Variants in SEPTIN9 observed in about 807,000 individuals in gnomAD.
The protein encoded by SEPTIN9 is septin 9.
SEPTIN9 carries 13 observed loss-of-function variants against 56.6 expected under a neutral mutation model. That is an observed-to-expected ratio of 0.23 (90% CI 0.15 to 0.37). The LOEUF (loss-of-function observed/expected upper bound fraction) is 0.37, where lower values mean the gene tolerates loss of function less well. Among genes scored for constraint, SEPTIN9 ranks in the 10% least tolerant of loss-of-function variants. The pLI, the probability that SEPTIN9 is intolerant of heterozygous loss-of-function variation, is 1.00. For synonymous variants in SEPTIN9, 332 were observed against 334.1 expected (o/e 0.99, Z 0.07); for missense variants, 650 against 823.1 (o/e 0.79, Z 2.57).
chr17:77,303,958 T>C (rs575106651), intron 1 of SEPTIN9, among the ~76,000 whole-genome samples: 130 of 152,290 alleles, frequency 8.5e-4, no homozygotes, highest in African/African-American at 3.1e-3. Context: ...AATACTTTCA[T>C]CTGGGATGAC....
chr17:77,409,194 C>T (rs2036199482), intron 3 of SEPTIN9, among the ~76,000 whole-genome samples: 1 of 152,168 alleles, frequency 6.6e-6, no homozygotes, highest in African/African-American at 2.4e-5. Flanking sequence ...TCTCTTTCCC[C>T]TTCTAAGAAC....
chr17:77,374,480 G>A (rs947850087), intron 2 of SEPTIN9: 1 of 152,294 alleles, frequency 6.6e-6, no homozygotes, highest in Non-Finnish European at 1.5e-5. Context: ...AGCGCTCTGG[G>A]GCAGGGCTTC....
chr17:77,392,205 G>T (rs546651349), intron 2 of SEPTIN9, among the ~76,000 whole-genome samples: 1 of 152,302 alleles, frequency 6.6e-6, no homozygotes, highest in South Asian at 2.1e-4. Context: ...CTTGGGTGGG[G>T]CTGTGATGAG....
chr17:77,393,999 C>G (rs943514997), intron 2 of SEPTIN9, among the ~76,000 whole-genome samples: 6 of 152,174 alleles, frequency 3.9e-5, no homozygotes, highest in Admixed American at 2.0e-4. Flanking sequence ...TGCTCTCAGC[C>G]CTGAAATAAA....
chr17:77,427,600 C>T (rs564354309), intron 3 of SEPTIN9, among the ~76,000 whole-genome samples: 7 of 152,278 alleles, frequency 4.6e-5, no homozygotes, highest in East Asian at 1.9e-4. Context: ...GATCCGAGGC[C>T]GGGAAGAACA....
rs1245040577 is a variant in SEPTIN9, at chr17:77,400,928, G to A, written c.77-1131G>A. Reference sequence around the variant, plus strand: ...CCCAGGTACCATCCCCACTGCCTCCGAGGGAGCAGACCCTGGTGGAGAGGC... The same window carrying A: ...CCCAGGTACCATCCCCACTGCCTCCAAGGGAGCAGACCCTGGTGGAGAGGC... On this transcript the variant is annotated intron_variant, in intron 2 of 11. Coordinates refer to ENST00000427177, the MANE Select transcript of SEPTIN9 (RefSeq NM_001113491.2). This position sits in a 1 kb window ranked among gnomAD's most constrained non-coding sequence, Gnocchi z 4.1. Among the ~76,000 whole-genome samples, 3 of 152,178 alleles carry A rather than the reference G, an allele frequency of 2.0e-5. No individual in the cohort carries two copies. The highest frequency in any genetic ancestry group is 2.1e-4 in the South Asian group (1 of 4,830).
chr17:77,439,503 G>A (rs1340909174), intron 3 of SEPTIN9, among the ~76,000 whole-genome samples: 1 of 152,194 alleles, frequency 6.6e-6, no homozygotes, highest in Non-Finnish European at 1.5e-5. Flanking sequence ...TAGAGAACTT[G>A]GCTGGTGGGC....
intron 2 of SEPTIN9, among the ~76,000 whole-genome samples, chr17:77,368,812 T>G (rs955087879): frequency 2.0e-5 from 3 of 152,196 alleles, no homozygotes; most frequent in African/African-American, 7.2e-5. Flanking sequence ...CCTCTTAGGT[T>G]TTTTGCAACA....
At chr17:77,432,155 C>G (rs1301230615) in intron 3 of SEPTIN9, among the ~76,000 whole-genome samples, 1 of 152,226 alleles carries the variant, frequency 6.6e-6, no homozygotes, top group African/African-American at 2.4e-5. Context: ...TACCTGGACT[C>G]TGACCTTTCC....
intron 2 of SEPTIN9, among the ~76,000 whole-genome samples, chr17:77,342,703 T>A (rs2033771315): frequency 6.6e-6 from 1 of 152,212 alleles, no homozygotes; most frequent in African/African-American, 2.4e-5. Flanking sequence ...CTCGGTGCAG[T>A]GGCTCATGTT....
intron 2 of SEPTIN9, among the ~76,000 whole-genome samples, chr17:77,360,709 C>T (rs530135711): frequency 4.9e-4 from 75 of 152,176 alleles, no homozygotes; most frequent in Middle Eastern, 3.4e-3. Flanking sequence ...GGACTACAGG[C>T]GCCCGCCACC....
chr17:77,283,846 G>A (rs1449739798), intron 1 of SEPTIN9, among the ~76,000 whole-genome samples: 1 of 152,146 alleles, frequency 6.6e-6, no homozygotes, highest in Non-Finnish European at 1.5e-5. Context: ...AGTCTGAGTG[G>A]GTACAGAAAT....
At chr17:77,443,094 G>A (rs2037610586) in intron 3 of SEPTIN9, among the ~76,000 whole-genome samples, 1 of 152,024 alleles carries the variant, frequency 6.6e-6, no homozygotes. Flanking sequence ...AAATGGAAGG[G>A]GCAAAAGCAC....
chr17:77,482,494 T>A (rs771889644), intron 4 of SEPTIN9, 159 bp downstream of exon 4: 12 of 788,876 alleles, frequency 1.5e-5, no homozygotes, highest in Non-Finnish European at 2.6e-5. Flanking sequence ...TGTGCATGCA[T>A]GCGCCTGGGA....
At chr17:77,388,882 AGGAG>A (rs1376089643) in intron 2 of SEPTIN9, among the ~76,000 whole-genome samples, 1 of 136,912 alleles carries the variant, frequency 7.3e-6, no homozygotes, top group Admixed American at 8.0e-5. Flanking sequence ...CAATGAGACG[AGGAG>A]GGAGGGAGGG....
intron 2 of SEPTIN9, among the ~76,000 whole-genome samples, chr17:77,370,373 GTC>G (rs1176796051): frequency 1.3e-5 from 2 of 152,172 alleles, no homozygotes; most frequent in Non-Finnish European, 2.9e-5. Flanking sequence ...CTTTTTCTGT[GTC>G]TCTGTACTTT....
intron 2 of SEPTIN9, among the ~76,000 whole-genome samples, chr17:77,351,938 C>T (rs1394725544): frequency 1.3e-5 from 2 of 152,242 alleles, no homozygotes; most frequent in African/African-American, 4.8e-5. Flanking sequence ...GGAAAATGCA[C>T]TGACACTTGC....
At chr17:77,468,397 G>C (rs1252271817) in intron 3 of SEPTIN9, among the ~76,000 whole-genome samples, 2 of 152,214 alleles carry the variant, frequency 1.3e-5, no homozygotes, top group Admixed American at 6.5e-5. Flanking sequence ...GACCTCTGTG[G>C]GTAGCCTTGT....
chr17:77,415,943 T>C lies in SEPTIN9; in HGVS notation c.721+13240T>C, dbSNP rs1466357578. On this transcript the variant is annotated intron_variant, in intron 3 of 11. Transcript: ENST00000427177. ...TGTCAGGCACTTGTCAGGAGCAAAA[T>C]GTAAGGGGACACCAAAGAGCTCAGG... Among the ~76,000 whole-genome samples the C allele has an allele frequency of 4.6e-5, 7 of 152,254 alleles. No individual in the cohort carries two copies. In the East Asian group the frequency reaches 7.7e-4, roughly 17 times the overall value.
Sources: allele counts gnomAD v4.1 joint callset (sites outside exome capture counted in the v4.1 genomes callset), GRCh38; gene constraint gnomAD v4.1.1; non-coding constraint Gnocchi (gnomAD v3.1); transcripts MANE v1.5; gene names NCBI Gene and HGNC (gene_info 2026-07-23, HGNC 2026-07-21).